The following SRGAP3 variants were observed in gnomAD, a reference collection of about 807,000 sequenced individuals.
SRGAP3 encodes SLIT-ROBO Rho GTPase-activating protein 3.
Under a neutral mutation model 121.1 loss-of-function variants are expected in SRGAP3, and 39 were observed. The ratio of observed to expected loss-of-function variants is 0.32; its 90% confidence interval spans 0.25 to 0.42. The LOEUF (loss-of-function observed/expected upper bound fraction) is 0.42, where lower values mean the gene tolerates loss of function less well. SRGAP3 is among the 10% of genes least tolerant of loss of function. The pLI, the probability that SRGAP3 is intolerant of heterozygous loss-of-function variation, is 1.00. For missense variants in SRGAP3, 1,213 were observed against 1,470.6 expected, an observed-to-expected ratio of 0.82 and a Z score of 2.86; for synonymous variants, 601 against 570.0, an observed-to-expected ratio of 1.05 and a Z score of -0.77.
At chr3:9,329,062 C>T (rs768796016) in intron 2 of SRGAP3, among the ~76,000 whole-genome samples, 1 of 152,150 alleles carries the variant, frequency 6.6e-6, no homozygotes, top group Non-Finnish European at 1.5e-5. Flanking sequence ...GTTGGGCCAT[C>T]CTGAGCACGA....
intron 3 of SRGAP3, among the ~76,000 whole-genome samples, chr3:9,300,366 T>C (rs1008593417): frequency 1.3e-5 from 2 of 151,588 alleles, no homozygotes; most frequent in Non-Finnish European, 2.9e-5. Context: ...GGAATGTCCT[T>C]TACCCACCTT....
intron 3 of SRGAP3, among the ~76,000 whole-genome samples, chr3:9,280,968 G>GT (rs1337130157): frequency 6.7e-6 from 1 of 148,168 alleles, no homozygotes; most frequent in Non-Finnish European, 1.5e-5. Flanking sequence ...TTCCTGAATT[G>GT]TTGGGGGTGG....
chr3:9,136,120 C>T (rs1949637233), intron 1 of SRGAP3, among the ~76,000 whole-genome samples: 1 of 152,246 alleles, frequency 6.6e-6, no homozygotes, highest in Non-Finnish European at 1.5e-5. Context: ...TTCTTCCAGC[C>T]TCTCTGTGCT....
At chr3:9,316,765 G>A (rs1955354253) in intron 3 of SRGAP3, among the ~76,000 whole-genome samples, 2 of 152,274 alleles carry the variant, frequency 1.3e-5, no homozygotes, top group Admixed American at 6.5e-5. Context: ...ATATTGTTTA[G>A]AAATCAACTA....
At chr3:9,306,342 A>T (rs1483394664) in intron 3 of SRGAP3, among the ~76,000 whole-genome samples, 1 of 151,752 alleles carries the variant, frequency 6.6e-6, no homozygotes, top group Admixed American at 6.6e-5. Context: ...GATTGCAAAA[A>T]TTTTCTCCCA....
intron 1 of SRGAP3, among the ~76,000 whole-genome samples, chr3:9,183,080 G>A (rs1014667019): frequency 6.6e-6 from 1 of 152,176 alleles, no homozygotes; most frequent in Admixed American, 6.5e-5. Flanking sequence ...ATCAGTCCCC[G>A]ATGCTTTGGC....
chr3:9,038,115 G>A (rs745404921), intron 10 of SRGAP3, 25 bp from the exon 11 acceptor site: 2 of 1,613,968 alleles, frequency 1.2e-6, no homozygotes, highest in South Asian at 1.1e-5. Context: ...ATACATGAAT[G>A]TTTAATTGCC....
chr3:9,148,724 C>A (rs1405632369), intron 1 of SRGAP3, among the ~76,000 whole-genome samples: 1 of 152,158 alleles, frequency 6.6e-6, no homozygotes, highest in African/African-American at 2.4e-5. Flanking sequence ...ATCTCATAGT[C>A]CATCCTTTCT....
chr3:9,345,983 A>G (rs924932239), intron 1 of SRGAP3, among the ~76,000 whole-genome samples: 2 of 152,106 alleles, frequency 1.3e-5, no homozygotes, highest in African/African-American at 4.8e-5. Context: ...TGCCAGCCCA[A>G]GGACTTTCAT....
chr3:9,193,651 G>C (rs71314330), intron 1 of SRGAP3: 16,035 of 152,380 alleles, frequency 0.11, 1,147 homozygotes, highest in Non-Finnish European at 0.16. Flanking sequence ...GAAATCATGA[G>C]AAACAAAGGC....
intron 10 of SRGAP3, among the ~76,000 whole-genome samples, chr3:9,039,866 T>C (rs1030078015): frequency 3.9e-5 from 6 of 152,234 alleles, no homozygotes; most frequent in Non-Finnish European, 8.8e-5. Flanking sequence ...GACCACATTT[T>C]CTTTATCCAC....
At chr3:9,173,075 CA>C (rs1054002996) in intron 1 of SRGAP3, among the ~76,000 whole-genome samples, 5 of 152,210 alleles carry the variant, frequency 3.3e-5, no homozygotes, top group African/African-American at 1.2e-4. Context: ...CCAGCCGAGT[CA>C]GCTGGCCTGG....
chr3:9,123,732 ATGTGTGTGTG>A (rs532602901), intron 2 of SRGAP3, among the ~76,000 whole-genome samples: 6 of 139,116 alleles, frequency 4.3e-5, no homozygotes, highest in East Asian at 2.1e-4. Flanking sequence ...ATATGTATAT[ATGTGTGTGTG>A]TGTGTGTGTG....
chr3:9,295,465 G>A (rs979932416), intron 3 of SRGAP3, among the ~76,000 whole-genome samples: 1 of 152,066 alleles, frequency 6.6e-6, no homozygotes, highest in African/African-American at 2.4e-5. Context: ...ACATTTCAGG[G>A]GAATTCGTTG....
intron 2 of SRGAP3, 133 bp downstream of exon 2, chr3:9,124,592 G>A: frequency 1.7e-6 from 2 of 1,149,150 alleles, no homozygotes; most frequent in South Asian, 1.3e-5. Flanking sequence ...TAAGTAACCT[G>A]CAGAGCCAGG....
chr3:9,252,001 T>A (rs1442827675), upstream of SRGAP3, among the ~76,000 whole-genome samples: 2 of 151,956 alleles, frequency 1.3e-5, no homozygotes, highest in African/African-American at 4.9e-5. Context: ...CATAATTTCT[T>A]TTTTAGAGCT....
intron 3 of SRGAP3, among the ~76,000 whole-genome samples, chr3:9,100,749 G>A (rs772239374): frequency 1.3e-5 from 2 of 152,170 alleles, no homozygotes; most frequent in African/African-American, 2.4e-5. Flanking sequence ...ACACCATCAC[G>A]GGTCTTATGA....
At position 9,015,583 on chromosome 3, in the gene SRGAP3, TGG is replaced by T; in HGVS notation, c.1813+12_1813+13del. On this transcript the variant is annotated intron_variant, in intron 15 of 21. Transcript: ENST00000383836. ...TTGTCAAAAAACTGATCATTTCACCTGGGAAATACTTACTAATAGTAGATATC... is the reference window on the plus strand; with the variant it reads ...TTGTCAAAAAACTGATCATTTCACCTGAAATACTTACTAATAGTAGATATC... 3.1e-6 allele frequency: 5 copies of T among 1,613,932 alleles called. No homozygotes were observed. The South Asian group carries it at 4.4e-5, about 14-fold the overall frequency.
At chr3:9,295,140 T>C (rs1235522536) in intron 3 of SRGAP3, among the ~76,000 whole-genome samples, 1 of 152,198 alleles carries the variant, frequency 6.6e-6, no homozygotes, top group Non-Finnish European at 1.5e-5. Context: ...TGCCATCTGA[T>C]GGCCTTCCCC....
Sources: gnomAD v4.1 joint callset for allele counts (sites outside exome capture counted in the v4.1 genomes callset) on GRCh38, gnomAD v4.1.1 for gene constraint, MANE v1.5 for transcripts, NCBI Gene and HGNC (gene_info 2026-07-23, HGNC 2026-07-21) for gene names.